The following OR7C1 variants were observed in gnomAD, a reference collection of about 807,000 sequenced individuals.
OR7C1 encodes olfactory receptor family 7 subfamily C member 1.
For missense variants in OR7C1, 324 were observed against 383.3 expected, an observed-to-expected ratio of 0.85 and a Z score of 1.29; for synonymous variants, 152 against 160.7, an observed-to-expected ratio of 0.95 and a Z score of 0.41.
chr19:14,804,660 G>C (rs1369547257), intron 2 of OR7C1, among the ~76,000 whole-genome samples: 1 of 151,840 alleles, frequency 6.6e-6, no homozygotes. Context: ...ATACATAAAC[G>C]AGTCGCAGGA....
chr19:14,799,561 G>A lies in OR7C1; in HGVS notation c.576C>T (p.Thr192=), dbSNP rs142217089. The A allele has an allele frequency of 3.9e-4, 622 of 1,614,144 alleles. 4 individuals carry two copies. In the African/African-American group the frequency reaches 7.4e-3, roughly 19 times the overall value. ...AGTATATCACCACGTTATTAATGAAGGTGTCAGAACAGGCGAGCTTCAGGA... is the reference window on the plus strand; with the variant it reads ...AGTATATCACCACGTTATTAATGAAAGTGTCAGAACAGGCGAGCTTCAGGA... Residue 192 remains threonine, a synonymous_variant, in exon 5 of 5, where the codon ACC becomes ACT. Coordinates refer to ENST00000641666, the Ensembl canonical transcript of OR7C1.
intron 1 of OR7C1, among the ~76,000 whole-genome samples, chr19:14,813,000 G>A (rs2044698501): frequency 6.6e-6 from 1 of 150,620 alleles, no homozygotes; most frequent in African/African-American, 2.4e-5. Flanking sequence ...GGGAGGCGGA[G>A]GTTGCAGTGA....
chr19:14,799,828 A>G (rs1244004089), exon 5 of OR7C1: 1 of 1,614,008 alleles, frequency 6.2e-7, no homozygotes, highest in Admixed American at 1.7e-5. Flanking sequence ...ATGAAGTGAA[A>G]AAAAAAATCT....
At chr19:14,803,712 ATAAT>A (rs1372615274) in intron 2 of OR7C1, among the ~76,000 whole-genome samples, 220 of 150,688 alleles carry the variant, frequency 1.5e-3, no homozygotes, top group African/African-American at 5.0e-3. Context: ...AATAATAATA[ATAAT>A]TTTTTTTTTT....
At chr19:14,798,669 T>A (rs1215242354) in exon 5 of OR7C1, 1 of 153,454 alleles carries the variant, frequency 6.5e-6, no homozygotes, top group Non-Finnish European at 1.4e-5. Flanking sequence ...ACATAGGCCA[T>A]AAAAGATTGG....
rs1017259941 is a variant in OR7C1 at position 14,817,339 on chromosome 19, C to A, written c.-622-7346G>T. On this transcript the variant is annotated intron_variant, in intron 1 of 4. Transcript: ENST00000641666. ...GTCTGTTGTTGATGGGCATTTAGGTCGAGTCCATGTTTTCACTCCAATTAA... is the reference window on the plus strand; with the variant it reads ...GTCTGTTGTTGATGGGCATTTAGGTAGAGTCCATGTTTTCACTCCAATTAA... Among the ~76,000 whole-genome samples, 5 of 152,080 alleles carry A rather than the reference C, an allele frequency of 3.3e-5. 1 individual carries two copies. The highest frequency in any genetic ancestry group is 6.6e-5 in the Admixed American group (1 of 15,264).
In OR7C1 at chr19:14,810,562, T is replaced by G. The variant is rs80210491; in HGVS notation, c.-622-569A>C. Among the ~76,000 whole-genome samples the G allele has an allele frequency of 8.0e-4, 121 of 150,772 alleles. 1 individual carries two copies. The highest frequency in any genetic ancestry group is 2.7e-3 in the African/African-American group (112 of 40,788). The stretch of plus-strand genomic sequence containing the variant: ...GCCCGGCTAATTTTTTTTTTTTTTT[T>G]TTATAGTGGAGATAGCGTTTCACCA... On this transcript the variant is annotated intron_variant, in intron 1 of 4. Transcript: ENST00000641666.
At chr19:14,810,579 G>A (rs1335757569) in intron 1 of OR7C1, among the ~76,000 whole-genome samples, 3 of 147,994 alleles carry the variant, frequency 2.0e-5, no homozygotes, top group South Asian at 2.1e-4. Flanking sequence ...TGGAGATAGC[G>A]TTTCACCATG....
At chr19:14,829,360 C>A (rs1029393341) in intron 1 of OR7C1, among the ~76,000 whole-genome samples, 7 of 152,172 alleles carry the variant, frequency 4.6e-5, no homozygotes, top group African/African-American at 7.2e-5. Flanking sequence ...TGCACCACCA[C>A]GCCCAGCTAA....
intron 1 of OR7C1, among the ~76,000 whole-genome samples, chr19:14,828,787 A>AAAAAAAAAAAAAAAAAAAAAAG (rs2044802056): frequency 7.1e-6 from 1 of 141,444 alleles, no homozygotes; most frequent in African/African-American, 2.6e-5. Context: ...AAAAAAAAAA[A>AAAAAAAAAAAAAAAAAAAAAAG]GAATGAGAAC....
intron 1 of OR7C1, among the ~76,000 whole-genome samples, chr19:14,834,373 T>C (rs1164974768): frequency 1.3e-5 from 2 of 152,202 alleles, no homozygotes; most frequent in African/African-American, 2.4e-5. Flanking sequence ...ACTATTGATA[T>C]TCTGGGCTAG....
chr19:14,822,521 A>T (rs1186845958), intron 1 of OR7C1, among the ~76,000 whole-genome samples: 1 of 151,400 alleles, frequency 6.6e-6, no homozygotes, highest in Non-Finnish European at 1.5e-5. Context: ...AGTAGCTGGC[A>T]TTACAGGTGC....
At chr19:14,799,573 G>A in exon 5 of OR7C1, 1 of 1,614,174 alleles carries the variant, frequency 6.2e-7, no homozygotes, top group Non-Finnish European at 8.5e-7. Flanking sequence ...TGTCAGAACA[G>A]GCGAGCTTCA....
rs2044775969 is a variant in OR7C1 at position 14,827,191 on chromosome 19, T to C, written c.-623+7883A>G. ...CACAACAAATTGAAACTCCCAGAAA[T>C]ATAATAAGTATTAATAGAAGGAGCA... On this transcript the variant is annotated intron_variant, in intron 1 of 4. Transcript: ENST00000641666. 3 of 1,268,164 alleles carry C rather than the reference T, an allele frequency of 2.4e-6. No individual in the cohort carries two copies. The African/African-American group carries it at 4.6e-5, about 19-fold the overall frequency. 78.6% of individuals were successfully genotyped at this position (1,268,164 alleles called of 1,614,324 possible).
At chr19:14,831,320 A>AT (rs1362998667) in intron 1 of OR7C1, among the ~76,000 whole-genome samples, 2 of 151,898 alleles carry the variant, frequency 1.3e-5, no homozygotes, top group African/African-American at 4.8e-5. Context: ...TAAAAGACTC[A>AT]TTTTTTTCTG....
exon 5 of OR7C1, chr19:14,798,970 G>C (rs1341612155): frequency 3.8e-6 from 2 of 523,150 alleles, no homozygotes; most frequent in Non-Finnish European, 6.1e-6. Context: ...GAAAAGAAAT[G>C]ATTTTGAGGG....
At chr19:14,801,753 A>C (rs1009863619) in intron 2 of OR7C1, among the ~76,000 whole-genome samples, 2 of 152,220 alleles carry the variant, frequency 1.3e-5, no homozygotes, top group African/African-American at 4.8e-5. Context: ...TTATGGTGGA[A>C]GGGGAAGAGG....
intron 1 of OR7C1, among the ~76,000 whole-genome samples, chr19:14,823,196 T>C (rs1169242054): frequency 6.6e-6 from 1 of 152,222 alleles, no homozygotes; most frequent in Admixed American, 6.5e-5. Flanking sequence ...TTCATGCCTG[T>C]AATCCCAGCA....
chr19:14,833,515 G>A (rs1421279777), intron 1 of OR7C1, among the ~76,000 whole-genome samples: 3 of 152,142 alleles, frequency 2.0e-5, no homozygotes, highest in Non-Finnish European at 1.5e-5. Context: ...CATGAAAACA[G>A]GGAAACTACA....
Sources: gnomAD v4.1 joint callset for allele counts (sites outside exome capture counted in the v4.1 genomes callset) on GRCh38, gnomAD v4.1.1 for gene constraint, MANE v1.5 for transcripts, NCBI Gene and HGNC (gene_info 2026-07-23, HGNC 2026-07-21) for gene names.